The following XKR9 variants were observed in gnomAD, a reference collection of about 807,000 sequenced individuals.
XKR9 encodes XK related 9, also known as XK-related protein 9.
Under a neutral mutation model 32.0 loss-of-function variants are expected in XKR9, and 32 were observed. The ratio of observed to expected loss-of-function variants is 1.00; its 90% confidence interval spans 0.76 to 1.34. XKR9 has a LOEUF of 1.34. XKR9 is among the 40% of genes most tolerant of loss of function. XKR9 has a pLI of 0.00. For missense variants in XKR9, 546 were observed against 429.7 expected, an observed-to-expected ratio of 1.27 and a Z score of -2.39; for synonymous variants, 168 against 143.4, an observed-to-expected ratio of 1.17 and a Z score of -1.22.
the XKR9 span, among the ~76,000 whole-genome samples, chr8:71,031,791 C>T: frequency 6.6e-6 from 1 of 152,120 alleles, no homozygotes; most frequent in Non-Finnish European, 1.5e-5. Context: ...TGAAATTATA[C>T]AACCAATTTA....
chr8:70,733,822 G>A lies in XKR9; in HGVS notation c.520G>A (p.Ala174Thr), dbSNP rs1003237038. The A allele has an allele frequency of 6.9e-6, 11 of 1,588,168 alleles. No homozygotes were observed. In the African/African-American group the frequency reaches 1.5e-4, roughly 22 times the overall value. The part of the protein sequence containing the change: ...QYAAIMVSCC[A>T]ISWSTVDYQV... ...TGCGGCCATCATGGTCTCTTGCTGTGCTATTTCTTGGTCAACTGTTGATTA... is the reference window on the plus strand; with the variant it reads ...TGCGGCCATCATGGTCTCTTGCTGTACTATTTCTTGGTCAACTGTTGATTA... Residue 174 changes from alanine to threonine, a missense_variant, in exon 5 of 5, where the codon GCT (alanine) becomes ACT (threonine). Ala to Thr is a moderately conservative substitution (Grantham distance 58). Transcript: ENST00000408926.
At chr8:70,701,964 T>C (rs1301761712) in intron 3 of XKR9, among the ~76,000 whole-genome samples, 1 of 152,196 alleles carries the variant, frequency 6.6e-6, no homozygotes, top group African/African-American at 2.4e-5. Flanking sequence ...TTATTTAAAA[T>C]GTGGAAATGG....
At chr8:70,895,863 T>C in the XKR9 span, among the ~76,000 whole-genome samples, 4 of 149,498 alleles carry the variant, frequency 2.7e-5, no homozygotes, top group African/African-American at 9.8e-5. Flanking sequence ...CCGGGTGTGA[T>C]GGCGTGCATC....
chr8:70,799,799 A>G, the XKR9 span, among the ~76,000 whole-genome samples: 1 of 152,168 alleles, frequency 6.6e-6, no homozygotes, highest in African/African-American at 2.4e-5. Flanking sequence ...GGATCATGTC[A>G]TCTGCAAATA....
chr8:70,695,154 T>A (rs1297949731), intron 3 of XKR9, among the ~76,000 whole-genome samples: 1 of 150,610 alleles, frequency 6.6e-6, no homozygotes, highest in Non-Finnish European at 1.5e-5. Flanking sequence ...TTCTCATTGA[T>A]TTGTTTTTAA....
chr8:70,873,866 T>A, the XKR9 span, among the ~76,000 whole-genome samples: 1 of 152,204 alleles, frequency 6.6e-6, no homozygotes, highest in African/African-American at 2.4e-5. Context: ...CAGAGAAATC[T>A]TTCATGAAAG....
chr8:70,871,503 A>G, the XKR9 span, among the ~76,000 whole-genome samples: 1 of 152,178 alleles, frequency 6.6e-6, no homozygotes, highest in Non-Finnish European at 1.5e-5. Flanking sequence ...TATAGCTTCT[A>G]TGGTGATCAG....
At chr8:70,968,696 A>G in the XKR9 span, among the ~76,000 whole-genome samples, 1 of 151,834 alleles carries the variant, frequency 6.6e-6, no homozygotes, top group Non-Finnish European at 1.5e-5. Context: ...CCACCATTCT[A>G]TAGGGCTTCT....
At chr8:70,978,035 T>C in the XKR9 span, among the ~76,000 whole-genome samples, 1 of 152,354 alleles carries the variant, frequency 6.6e-6, no homozygotes, top group African/African-American at 2.4e-5. Context: ...AAAATCTGTT[T>C]TATCAGAGAC....
chr8:70,837,678 A>G, the XKR9 span, among the ~76,000 whole-genome samples: 1 of 152,070 alleles, frequency 6.6e-6, no homozygotes, highest in Middle Eastern at 3.2e-3. Flanking sequence ...TGCTGGTCTC[A>G]ACCCTGGTTT....
the XKR9 span, among the ~76,000 whole-genome samples, chr8:70,967,839 C>T: frequency 6.6e-6 from 1 of 151,892 alleles, no homozygotes; most frequent in East Asian, 1.9e-4. Flanking sequence ...TGTGGGTGAT[C>T]CAGCCTTTCT....
At chr8:70,776,941 C>CTA (rs1458539277) in intron 2 of XKR9, among the ~76,000 whole-genome samples, 13 of 31,456 alleles carry the variant, frequency 4.1e-4, no homozygotes, top group Admixed American at 1.3e-3. Context: ...CTCTCTCTCT[C>CTA]TCTCTCTATA....
chr8:70,752,570 T>C (rs1248547369), intron 2 of XKR9, among the ~76,000 whole-genome samples: 1 of 152,202 alleles, frequency 6.6e-6, no homozygotes, highest in African/African-American at 2.4e-5. Context: ...TCCCCCTTAA[T>C]GACCTAATCA....
At chr8:70,925,680 A>G in the XKR9 span, among the ~76,000 whole-genome samples, 1 of 152,216 alleles carries the variant, frequency 6.6e-6, no homozygotes, top group Non-Finnish European at 1.5e-5. Flanking sequence ...CTAAGAGTTA[A>G]GAGGAGGATA....
At chr8:70,892,727 C>T in the XKR9 span, among the ~76,000 whole-genome samples, 1 of 152,122 alleles carries the variant, frequency 6.6e-6, no homozygotes, top group East Asian at 1.9e-4. Flanking sequence ...GATTCTCTTA[C>T]ATGTGACTTG....
intron 1 of XKR9, chr8:70,670,465 C>G (rs975395385): frequency 2.0e-5 from 3 of 152,070 alleles, no homozygotes; most frequent in African/African-American, 4.8e-5. Context: ...TATGTAATCA[C>G]TGCCCCAAAG....
the XKR9 span, among the ~76,000 whole-genome samples, chr8:70,898,597 T>C: frequency 6.6e-6 from 1 of 152,240 alleles, no homozygotes; most frequent in Non-Finnish European, 1.5e-5. Flanking sequence ...TATTTAGAAA[T>C]GTTTTGTGTA....
intron 4 of XKR9, among the ~76,000 whole-genome samples, chr8:70,730,227 A>C (rs1030469873): frequency 1.3e-5 from 2 of 152,156 alleles, no homozygotes; most frequent in Non-Finnish European, 2.9e-5. Context: ...ATTACATAAA[A>C]ATCTTTTTCA....
the XKR9 span, among the ~76,000 whole-genome samples, chr8:70,805,873 G>C: frequency 6.6e-6 from 1 of 152,106 alleles, no homozygotes; most frequent in Non-Finnish European, 1.5e-5. Context: ...CTTCCCCCTA[G>C]TGAAGCACAC....
Sources: gnomAD v4.1 joint callset for allele counts (sites outside exome capture counted in the v4.1 genomes callset) on GRCh38, gnomAD v4.1.1 for gene constraint, MANE v1.5 for transcripts, NCBI Gene and HGNC (gene_info 2026-07-23, HGNC 2026-07-21) for gene names.